Variants in DAW1 observed in about 807,000 individuals in gnomAD.
DAW1 encodes the protein dynein assembly factor with WD repeats 1.
In DAW1, 47 loss-of-function variants were observed where a neutral mutation model predicts 56.5. The observed-to-expected ratio is 0.83, with a 90% CI of 0.66 to 1.06. The LOEUF (loss-of-function observed/expected upper bound fraction) is 1.06. DAW1 is among the 50% of genes least tolerant of loss of function. DAW1 has a pLI of 0.00. For synonymous variants in DAW1, 190 were observed against 179.0 expected (o/e 1.06, Z -0.49); for missense variants, 505 against 499.3 (o/e 1.01, Z -0.11).
intron 12 of DAW1, among the ~76,000 whole-genome samples, chr2:227,922,553 T>G (rs376087494): frequency 2.2e-4 from 33 of 152,280 alleles, no homozygotes; most frequent in Middle Eastern, 3.4e-3. Flanking sequence ...ATTCTCATCA[T>G]GTTGAGCAAA....
At chr2:227,923,632 A>C (rs1233218425) in intron 12 of DAW1, among the ~76,000 whole-genome samples, 1 of 151,980 alleles carries the variant, frequency 6.6e-6, no homozygotes, top group African/African-American at 2.4e-5. Flanking sequence ...GGCAGAGGGG[A>C]TGGCTGAGGT....
chr2:227,872,085 A>C (rs887458489), intron 1 of DAW1: 2 of 270,412 alleles, frequency 7.4e-6, no homozygotes, highest in African/African-American at 4.4e-5. Flanking sequence ...TAAATTACTT[A>C]ACTATTACTT....
chr2:227,909,270 ATCTG>A (rs367916730), intron 10 of DAW1, among the ~76,000 whole-genome samples: 111 of 144,456 alleles, frequency 7.7e-4, no homozygotes, highest in African/African-American at 2.1e-3. Context: ...CTATCTATCT[ATCTG>A]TCTGTCTGTC....
chr2:227,886,152 G>A (rs1237653846), intron 2 of DAW1, among the ~76,000 whole-genome samples: 3 of 151,870 alleles, frequency 2.0e-5, no homozygotes, highest in African/African-American at 7.3e-5. Context: ...ATATTACTGA[G>A]CCTGTTATTT....
intron 1 of DAW1, among the ~76,000 whole-genome samples, chr2:227,884,065 G>T (rs772745882): frequency 6.6e-6 from 1 of 152,160 alleles, no homozygotes; most frequent in Non-Finnish European, 1.5e-5. Flanking sequence ...TTAGCGCTGG[G>T]CTGTTCGGAT....
chr2:227,877,551 C>T (rs1483410435), intron 1 of DAW1, among the ~76,000 whole-genome samples: 1 of 152,224 alleles, frequency 6.6e-6, no homozygotes, highest in Non-Finnish European at 1.5e-5. Context: ...TTGCCTAGAT[C>T]AATGTTACAC....
intron 10 of DAW1, among the ~76,000 whole-genome samples, chr2:227,907,862 ATATGATGTTACCC>A (rs1691723495): frequency 1.3e-5 from 2 of 152,172 alleles, no homozygotes; most frequent in African/African-American, 2.4e-5. Flanking sequence ...TGATGATTAC[ATATGATGTTACCC>A]TATGTTGGCC....
At position 227,885,382 on chromosome 2, in the gene DAW1, A is replaced by G. The variant is rs746890993; in HGVS notation, c.72A>G (p.Glu24=). Residue 24 remains glutamate (E), a synonymous_variant, in exon 2 of 13, where the codon GAA becomes GAG. Transcript: ENST00000309931. ...GIMLEYEKHG[E]LKTKSIDLLD... ...TGTTGGAATATGAAAAACATGGAGA[A>G]TTAAAGACTAAGTCCATAGATTTGC... 3 of 1,602,794 alleles carry G rather than the reference A, an allele frequency of 1.9e-6. No homozygotes were observed. Among genetic ancestry groups the G allele is most frequent in the Admixed American group, 1.7e-5 (1 of 57,666 alleles).
At chr2:227,876,419 T>C (rs1172243016) in intron 1 of DAW1, 2 of 1,300,830 alleles carry the variant, frequency 1.5e-6, no homozygotes, top group South Asian at 1.2e-5. Context: ...TTAGCATGCT[T>C]GACATTTAAT....
Position 227,871,656 on chromosome 2 carries a change from G to C in DAW1, c.-34G>C. On this transcript the variant is annotated 5_prime_UTR_variant, in exon 1 of 13. Transcript: ENST00000309931. ...GCTGTTTAGCCGTTTCCAAGGCTAC[G>C]AAGCCCATCGGCCGGGGATAAGAGA... is the stretch of plus-strand genomic sequence containing the variant. The C allele has an allele frequency of 6.2e-7, 1 of 1,610,290 alleles. No homozygotes were observed. Among genetic ancestry groups the C allele is most frequent in the Non-Finnish European group, 8.5e-7 (1 of 1,178,246 alleles).
intron 2 of DAW1, among the ~76,000 whole-genome samples, chr2:227,888,994 T>A (rs1691195723): frequency 6.6e-6 from 1 of 152,202 alleles, no homozygotes; most frequent in Non-Finnish European, 1.5e-5. Flanking sequence ...CTAAAAATAT[T>A]TTAAATCTAA....
At chr2:227,900,297 G>T (rs1574659731) in intron 6 of DAW1, among the ~76,000 whole-genome samples, 1 of 152,214 alleles carries the variant, frequency 6.6e-6, no homozygotes, top group African/African-American at 2.4e-5. Flanking sequence ...TTTAGATTTT[G>T]GGGAATATTT....
rs2106206402 is a variant in DAW1 at position 227,906,324 on chromosome 2, G to T, written c.844G>T (p.Asp282Tyr). Residue 282 changes from aspartate to tyrosine, a missense_variant, in exon 9 of 13, where the codon GAC becomes TAC. By Grantham distance (160) the Asp-to-Tyr change is radical (BLOSUM62 -3). Coordinates refer to ENST00000309931, the MANE Select transcript of DAW1 (RefSeq NM_178821.3). ...DCSLILTGSM[D>Y]KTCKLWDATN... The stretch of plus-strand genomic sequence containing the variant: ...CTCTCTAATATTAACTGGCTCTATG[G>T]ACAAAACCTGCAAGGTGAGCAAAAT... 6.2e-7 allele frequency: 1 copy of T among 1,609,546 alleles called. No homozygotes were observed. The highest frequency in any genetic ancestry group is 2.2e-5 in the East Asian group (1 of 44,792).
chr2:227,872,756 C>A (rs1341989926), intron 1 of DAW1, among the ~76,000 whole-genome samples: 1 of 135,126 alleles, frequency 7.4e-6, no homozygotes, highest in Non-Finnish European at 1.5e-5. Flanking sequence ...TTCTGTGAAT[C>A]CATCAGATTA....
chr2:227,872,558 G>T (rs1415040394), intron 1 of DAW1, among the ~76,000 whole-genome samples: 1 of 151,932 alleles, frequency 6.6e-6, no homozygotes, highest in Non-Finnish European at 1.5e-5. Context: ...CTTTTTTCCA[G>T]TCCCATCCCA....
chr2:227,876,514 C>T (rs1486520711), intron 1 of DAW1: 8 of 1,299,954 alleles, frequency 6.2e-6, no homozygotes, highest in Non-Finnish European at 8.1e-6. Context: ...TCAATAATAG[C>T]ATTATCAGAT....
intron 2 of DAW1, among the ~76,000 whole-genome samples, chr2:227,888,892 A>G (rs984854362): frequency 7.9e-5 from 12 of 152,230 alleles, no homozygotes; most frequent in African/African-American, 2.9e-4. Flanking sequence ...CAGACCAGTT[A>G]TCTTTCAGGG....
At chr2:227,875,248 A>G (rs1045668047) in intron 1 of DAW1, among the ~76,000 whole-genome samples, 1 of 152,150 alleles carries the variant, frequency 6.6e-6, no homozygotes, top group African/African-American at 2.4e-5. Flanking sequence ...AATTTCTACT[A>G]CCTGACCACT....
intron 6 of DAW1, 57 bp downstream of exon 6, chr2:227,898,338 T>A (rs1691461961): frequency 2.2e-6 from 2 of 920,054 alleles, no homozygotes. Flanking sequence ...TTATTTTCTT[T>A]GAGATGGAGT....
Sources: gnomAD v4.1 joint callset for allele counts (sites outside exome capture counted in the v4.1 genomes callset) on GRCh38, gnomAD v4.1.1 for gene constraint, MANE v1.5 for transcripts, NCBI Gene and HGNC (gene_info 2026-07-23, HGNC 2026-07-21) for gene names.